GLI3: variants seen among roughly 807,000 people sequenced by gnomAD.
The protein encoded by GLI3 is GLI family zinc finger 3.
A neutral mutation model predicts 100.8 loss-of-function variants in GLI3; 20 were observed. That is an observed-to-expected ratio of 0.20 (90% confidence interval 0.14 to 0.29). The LOEUF (loss-of-function observed/expected upper bound fraction) is 0.29, where lower values mean the gene tolerates loss of function less well. Ranked by LOEUF, GLI3 falls within the 10% of genes least tolerant of loss-of-function variation. The pLI is 1.00. For synonymous variants in GLI3, 938 were observed against 860.5 expected (o/e 1.09, Z -1.58); for missense variants, 2,040 against 2,128.5 (o/e 0.96, Z 0.82).
chr7:42,209,915 T>G lies in GLI3; in HGVS notation c.124+13215A>C, dbSNP rs138900606. Reference sequence around the variant, plus strand: ...TGACCTAAATTTTCCAAGTGAAAGTTAGAGCTCCAAATACTCCCTGTAAAG... The same window carrying G: ...TGACCTAAATTTTCCAAGTGAAAGTGAGAGCTCCAAATACTCCCTGTAAAG... On this transcript the variant is annotated intron_variant, in intron 2 of 14. Transcript: ENST00000395925. Among the ~76,000 whole-genome samples, 150 of 136,070 alleles carry G rather than the reference T, an allele frequency of 1.1e-3. 3 individuals are homozygous for G. The East Asian group carries it at 0.026, about 23-fold the overall frequency. 89.3% of individuals were successfully genotyped at this position (136,070 alleles called of 152,430 possible). A position where few individuals can be genotyped will look rare whatever the true frequency, so the allele number is the denominator to read the frequency against.
At chr7:42,145,215 A>C (rs1369223832) in intron 3 of GLI3, 1 of 191,170 alleles carries the variant, frequency 5.2e-6, no homozygotes, top group East Asian at 1.2e-4. Context: ...GAGATTAAGT[A>C]ATCCAACAGA....
intron 3 of GLI3, among the ~76,000 whole-genome samples, chr7:42,091,799 G>A (rs1562724342): frequency 2.0e-5 from 3 of 152,288 alleles, no homozygotes; most frequent in South Asian, 2.1e-4. Context: ...GATTCTTCCC[G>A]GAGGTGAGTG....
In GLI3 at chr7:42,145,378, G is replaced by T. The variant is rs1583596517; in HGVS notation, c.367+2848C>A. 5 of 395,308 alleles carry T rather than the reference G, an allele frequency of 1.3e-5. No homozygotes were observed. In the Admixed American group the frequency reaches 2.2e-4, roughly 17 times the overall value. 24.5% of individuals were successfully genotyped at this position (395,308 alleles called of 1,614,324 possible). ...TGTTACATAAAACACTTTCTGCTAAGAATTTAAAATGTTAACACTTCTCAA... is the reference window on the plus strand; with the variant it reads ...TGTTACATAAAACACTTTCTGCTAATAATTTAAAATGTTAACACTTCTCAA... On this transcript the variant is annotated intron_variant, in intron 3 of 14. Coordinates refer to ENST00000395925, the MANE Select transcript of GLI3 (RefSeq NM_000168.6).
chr7:42,122,149 A>T (rs1327129352), intron 3 of GLI3, among the ~76,000 whole-genome samples: 1 of 150,710 alleles, frequency 6.6e-6, no homozygotes, highest in Admixed American at 6.6e-5. Flanking sequence ...ATTTGATAAA[A>T]ATAAGCCAGA....
chr7:42,255,586 C>T (rs1387754960), intron 1 of GLI3, among the ~76,000 whole-genome samples: 1 of 152,182 alleles, frequency 6.6e-6, no homozygotes, highest in Non-Finnish European at 1.5e-5. Context: ...TAGTCTTTTA[C>T]ATCTGGCTTT....
At chr7:42,040,007 A>C in intron 7 of GLI3, 31 bp downstream of exon 7, 1 of 1,535,456 alleles carries the variant, frequency 6.5e-7, no homozygotes, top group Non-Finnish European at 9.0e-7. Context: ...TACATTTAAA[A>C]AACACATAAT....
At chr7:42,221,965 G>A (rs1325609646) in intron 2 of GLI3, among the ~76,000 whole-genome samples, 3 of 152,146 alleles carry the variant, frequency 2.0e-5, no homozygotes, top group African/African-American at 7.2e-5. Flanking sequence ...GAAGTCATTT[G>A]CCAGCAGGTT....
Position 41,972,665 on chromosome 7 carries a change from T to G in GLI3, c.1813-38A>C. On this transcript the variant is annotated intron_variant, in intron 12 of 14. Transcript: ENST00000395925. The surrounding 1 kb of genome is among the most constrained non-coding windows in gnomAD (Gnocchi z 4.4). ...ACAAGAACGAGGTAAGAGATTGTTA[T>G]GAAAGAGACTATGCCCCAGCCCAAA... 5 of 1,562,932 alleles carry G rather than the reference T, an allele frequency of 3.2e-6. No individual in the cohort carries two copies. The highest frequency in any genetic ancestry group is 4.4e-6 in the Non-Finnish European group (5 of 1,146,964).
chr7:42,130,716 A>G (rs2128776683), intron 3 of GLI3, among the ~76,000 whole-genome samples: 1 of 152,306 alleles, frequency 6.6e-6, no homozygotes, highest in Admixed American at 6.5e-5. Flanking sequence ...AAATTATTAA[A>G]GATAGAATAG....
chr7:42,003,109 C>A (rs1169012369), intron 10 of GLI3, among the ~76,000 whole-genome samples: 1 of 152,046 alleles, frequency 6.6e-6, no homozygotes, highest in East Asian at 1.9e-4. Flanking sequence ...GCAGTAGATC[C>A]AAAAACATTT....
intron 2 of GLI3, among the ~76,000 whole-genome samples, chr7:42,187,735 T>C (rs1437373965): frequency 1.3e-5 from 2 of 151,978 alleles, no homozygotes; most frequent in Admixed American, 1.3e-4. Flanking sequence ...CCGGGCACAG[T>C]GGCTCACACC....
chr7:42,017,289 T>A (rs960892361), intron 10 of GLI3, among the ~76,000 whole-genome samples: 1 of 152,166 alleles, frequency 6.6e-6, no homozygotes, highest in Non-Finnish European at 1.5e-5. Flanking sequence ...TAAAGTATCA[T>A]TGAGAACCAG....
intron 2 of GLI3, among the ~76,000 whole-genome samples, chr7:42,204,365 C>T (rs1228412464): frequency 1.3e-5 from 2 of 152,048 alleles, no homozygotes; most frequent in East Asian, 3.9e-4. Flanking sequence ...GCCCCCAGTT[C>T]CCACTCCTGT....
chr7:42,145,541 G>A (rs972153133), intron 3 of GLI3: 3 of 397,678 alleles, frequency 7.5e-6, no homozygotes, highest in Admixed American at 8.8e-5. Flanking sequence ...TTACAGGTTT[G>A]CAGTTTGCTC....
At chr7:42,044,310 T>C (rs1432273330) in intron 6 of GLI3, among the ~76,000 whole-genome samples, 1 of 152,234 alleles carries the variant, frequency 6.6e-6, no homozygotes, top group African/African-American at 2.4e-5. Context: ...TCAAAGGTAG[T>C]GGCTTTTGCT....
upstream of GLI3, among the ~76,000 whole-genome samples, chr7:42,238,683 C>T (rs1175179416): frequency 6.6e-6 from 1 of 152,134 alleles, no homozygotes; most frequent in African/African-American, 2.4e-5. Flanking sequence ...CCTCCTTCCT[C>T]GACCATCCAG....
chr7:42,050,710 A>G (rs1335853271), intron 4 of GLI3, among the ~76,000 whole-genome samples: 3 of 152,236 alleles, frequency 2.0e-5, no homozygotes, highest in Non-Finnish European at 4.4e-5. Flanking sequence ...TTTGCAATCC[A>G]GGAATAACTT....
chr7:41,984,845 G>A (rs769304564), intron 10 of GLI3, among the ~76,000 whole-genome samples: 8 of 152,174 alleles, frequency 5.3e-5, no homozygotes, highest in Non-Finnish European at 8.8e-5. Context: ...TACAAGGTAC[G>A]ACGCCAAGTT....
intron 3 of GLI3, among the ~76,000 whole-genome samples, chr7:42,083,006 G>T (rs998087733): frequency 1.1e-4 from 16 of 152,132 alleles, no homozygotes; most frequent in African/African-American, 1.7e-4. Context: ...GGCAAATGGG[G>T]TATCCATCAC....
Sources: gnomAD v4.1 joint callset for allele counts (sites outside exome capture counted in the v4.1 genomes callset) on GRCh38, gnomAD v4.1.1 for gene constraint, Gnocchi (gnomAD v3.1) non-coding constraint, MANE v1.5 for transcripts, NCBI Gene and HGNC (gene_info 2026-07-23, HGNC 2026-07-21) for gene names.